The following ZNF431 variants were observed in gnomAD, a reference collection of about 807,000 sequenced individuals.
The protein encoded by ZNF431 is zinc finger protein 431.
ZNF431 carries 34 observed loss-of-function variants against 57.0 expected under a neutral mutation model. That is an observed-to-expected ratio of 0.60 (90% CI 0.45 to 0.79). The LOEUF is 0.79. Among genes scored for constraint, ZNF431 ranks in the 30% least tolerant of loss-of-function variants. The pLI, the probability that ZNF431 is intolerant of heterozygous loss-of-function variation, is 0.00. For synonymous variants in ZNF431, 207 were observed against 220.3 expected (o/e 0.94, Z 0.54); for missense variants, 607 against 667.1 (o/e 0.91, Z 0.99).
Position 21,191,999 on chromosome 19 carries a change from T to G in ZNF431, c.*7965T>G, listed in dbSNP as rs1971519445. On this transcript the variant is annotated 3_prime_UTR_variant, in exon 5 of 5. Coordinates refer to ENST00000311048, the MANE Select transcript of ZNF431 (RefSeq NM_133473.4). ...ATGAATAGTCCATTTATGTATTAAT[T>G]TCTATTTAGAATGTAAGGCGTTTCA... 1 of 152,220 alleles carries G rather than the reference T, an allele frequency of 6.6e-6. No homozygotes were observed. Among genetic ancestry groups the G allele is most frequent in the Non-Finnish European group, 1.5e-5 (1 of 68,034 alleles). The allele number at this position is 152,220 out of a possible 1,614,324, so 9.4% of individuals were successfully genotyped here. A position where few individuals can be genotyped will look rare whatever the true frequency, so the allele number is the denominator to read the frequency against.
At chr19:21,162,071 G>C (rs934160649) in intron 2 of ZNF431, among the ~76,000 whole-genome samples, 2 of 151,898 alleles carry the variant, frequency 1.3e-5, no homozygotes, top group Non-Finnish European at 2.9e-5. Context: ...CTGTCTCCCA[G>C]GTTCAAGTAA....
rs1971591216 is a variant in ZNF431 at position 21,195,530 on chromosome 19, C to T, written c.*11496C>T. On this transcript the variant is annotated 3_prime_UTR_variant, in exon 5 of 5. Coordinates refer to ENST00000311048, the MANE Select transcript of ZNF431 (RefSeq NM_133473.4). ...TAGCAATAGAATTATGTATATTTTG[C>T]AAACTCTAATACAGAACACTTAATG... 6.6e-6 allele frequency: 1 copy of T among 152,306 alleles called. No individual in the cohort carries two copies. Among genetic ancestry groups the T allele is most frequent in the South Asian group, 2.1e-4 (1 of 4,826 alleles). The allele number at this position is 152,306 out of a possible 1,614,324, so 9.4% of individuals were successfully genotyped here.
At chr19:21,168,084 C>G (rs1343542790) in intron 4 of ZNF431, among the ~76,000 whole-genome samples, 1 of 151,848 alleles carries the variant, frequency 6.6e-6, no homozygotes, top group Non-Finnish European at 1.5e-5. Context: ...GATTTCTGTT[C>G]CATTAGGGGT....
At chr19:21,143,504 C>A in intron 1 of ZNF431, 47 bp from the exon 2 acceptor site, 1 of 1,471,432 alleles carries the variant, frequency 6.8e-7, no homozygotes, top group Non-Finnish European at 9.5e-7. Flanking sequence ...GTTATGTCAG[C>A]TAAAGTGCCT....
At chr19:21,152,700 C>CT (rs1222715431) in intron 2 of ZNF431, among the ~76,000 whole-genome samples, 1 of 152,116 alleles carries the variant, frequency 6.6e-6, no homozygotes, top group Non-Finnish European at 1.5e-5. Context: ...AGGAGAGACT[C>CT]TAATTCTCCT....
chr19:21,143,918 A>G (rs373240828), intron 2 of ZNF431, among the ~76,000 whole-genome samples: 1 of 152,302 alleles, frequency 6.6e-6, no homozygotes, highest in East Asian at 1.9e-4. Flanking sequence ...CTCTAGTGAG[A>G]TGGTGTAAGA....
chr19:21,142,269 C>T (rs1969961053), intron 1 of ZNF431, 83 bp downstream of exon 1: 2 of 1,585,286 alleles, frequency 1.3e-6, no homozygotes, highest in South Asian at 1.1e-5. Flanking sequence ...GGACTCAGGC[C>T]TCCCCGCAGT....
intron 4 of ZNF431, among the ~76,000 whole-genome samples, chr19:21,172,847 C>T (rs1218462860): frequency 6.6e-6 from 1 of 152,112 alleles, no homozygotes; most frequent in African/African-American, 2.4e-5. Context: ...CATTGTTCTG[C>T]AAAAGACTTC....
rs996955118 is a variant in ZNF431, at chr19:21,186,615, G to C, written c.*2581G>C. The C allele has an allele frequency of 3.3e-5, 5 of 152,182 alleles. No individual in the cohort carries two copies. The highest frequency in any genetic ancestry group is 6.5e-5 in the Admixed American group (1 of 15,270). 9.4% of individuals were successfully genotyped at this position (152,182 alleles called of 1,614,324 possible). On this transcript the variant is annotated 3_prime_UTR_variant, in exon 5 of 5. Transcript: ENST00000311048. ...TTATTACTGTACAGTCTATGACTTAGAGTTCTGAATCTTCCCAAGCAAATT... is the reference window on the plus strand; with the variant it reads ...TTATTACTGTACAGTCTATGACTTACAGTTCTGAATCTTCCCAAGCAAATT...
At chr19:21,174,118 T>C (rs1254486187) in intron 4 of ZNF431, among the ~76,000 whole-genome samples, 1 of 152,038 alleles carries the variant, frequency 6.6e-6, no homozygotes, top group Non-Finnish European at 1.5e-5. Context: ...TCTTCCACCA[T>C]GATTGTAAGT....
chr19:21,183,396 AT>A lies in ZNF431; in HGVS notation c.1095del (p.His366IlefsTer55). On this transcript the variant is annotated frameshift_variant, in exon 5 of 5. Coordinates refer to ENST00000311048, the MANE Select transcript of ZNF431 (RefSeq NM_133473.4). LOFTEE classifies it high-confidence loss of function. The part of the protein sequence containing the change: ...RFSYLTKHKI[I>X]HTGEKSYKCE... ...CTCATACCTTACTAAACATAAGATA[AT>A]TCATACTGGAGAAAAATCTTACAAA... 1 of 1,613,652 alleles carries A rather than the reference AT, an allele frequency of 6.2e-7. No individual in the cohort carries two copies. Among genetic ancestry groups the A allele is most frequent in the Non-Finnish European group, 8.5e-7 (1 of 1,179,746 alleles).
rs1006753049 is a variant in ZNF431, at chr19:21,193,665, G to C, written c.*9631G>C. 11 of 152,182 alleles carry C rather than the reference G, an allele frequency of 7.2e-5. No homozygotes were observed. The highest frequency in any genetic ancestry group is 2.4e-4 in the African/African-American group (10 of 41,446). 9.4% of individuals were successfully genotyped at this position (152,182 alleles called of 1,614,324 possible). On this transcript the variant is annotated 3_prime_UTR_variant, in exon 5 of 5. Coordinates refer to ENST00000311048, the MANE Select transcript of ZNF431 (RefSeq NM_133473.4). ...CCTCCATGAAATAATAGCAAGCTGA[G>C]TTCACAGGCAAATCAAAAAGTTATT...
At chr19:21,159,397 G>C (rs878903506) in intron 2 of ZNF431, among the ~76,000 whole-genome samples, 2 of 151,932 alleles carry the variant, frequency 1.3e-5, no homozygotes, top group East Asian at 3.9e-4. Context: ...TGTTGGAGGC[G>C]GAGTCTCACT....
At chr19:21,169,919 C>G (rs1380096076) in intron 4 of ZNF431, 2 of 398,372 alleles carry the variant, frequency 5.0e-6, no homozygotes, top group African/African-American at 2.1e-5. Context: ...AAATAGGTGT[C>G]TTCCTCCAGG....
At position 21,142,200 on chromosome 19, in the gene ZNF431, G is replaced by T. The variant is rs564854722; in HGVS notation, c.3+14G>T. Reference sequence around the variant, plus strand: ...AGCCTAGAAATGGTGAGAGTGCCGGGTCGGACATCCCGAGAGAGGGGAAGG... The same window carrying T: ...AGCCTAGAAATGGTGAGAGTGCCGGTTCGGACATCCCGAGAGAGGGGAAGG... On this transcript the variant is annotated intron_variant, in intron 1 of 4. Transcript: ENST00000311048. 6.2e-7 allele frequency: 1 copy of T among 1,613,120 alleles called. No individual in the cohort carries two copies. Among genetic ancestry groups the T allele is most frequent in the African/African-American group, 1.3e-5 (1 of 75,020 alleles).
In ZNF431 at chr19:21,182,964, C is replaced by G; in HGVS notation, c.661C>G (p.Gln221Glu). ...ATTTTGCATGCTTTTACACCTAAGT[C>G]AACATAAAAGAATTCATATTAGAGA... is the stretch of plus-strand genomic sequence containing the variant. The part of the protein sequence containing the change: ...KSFCMLLHLS[Q>E]HKRIHIRENS... Residue 221 changes from glutamine (Q) to glutamate (E), a missense_variant, in exon 5 of 5, where the codon CAA (glutamine) becomes GAA (glutamate). Physicochemically the swap from Gln to Glu is conservative, Grantham distance 29. Transcript: ENST00000311048. The G allele has an allele frequency of 6.2e-7, 1 of 1,613,988 alleles. No homozygotes were observed. The highest frequency in any genetic ancestry group is 8.5e-7 in the Non-Finnish European group (1 of 1,179,944).
chr19:21,172,962 T>G (rs998121694), intron 4 of ZNF431, among the ~76,000 whole-genome samples: 1 of 152,212 alleles, frequency 6.6e-6, no homozygotes, highest in Non-Finnish European at 1.5e-5. Flanking sequence ...CCACTTTCTG[T>G]TTTTATGAGT....
intron 4 of ZNF431, among the ~76,000 whole-genome samples, chr19:21,175,627 A>G (rs933009566): frequency 7.2e-5 from 11 of 151,956 alleles, no homozygotes; most frequent in African/African-American, 2.4e-4. Flanking sequence ...CCATATGTCC[A>G]TGTGTTCTTA....
intron 2 of ZNF431, among the ~76,000 whole-genome samples, chr19:21,151,710 G>C (rs1275313196): frequency 2.6e-5 from 4 of 152,132 alleles, no homozygotes; most frequent in Non-Finnish European, 5.9e-5. Flanking sequence ...AGGGGTCCTA[G>C]GCCTGCATTC....
Sources: gnomAD v4.1 joint callset for allele counts (sites outside exome capture counted in the v4.1 genomes callset) on GRCh38, gnomAD v4.1.1 for gene constraint, MANE v1.5 for transcripts, NCBI Gene and HGNC (gene_info 2026-07-23, HGNC 2026-07-21) for gene names.